Variants in MARK2 observed in about 807,000 individuals in gnomAD.
The protein encoded by MARK2 is serine/threonine-protein kinase MARK2.
Under a neutral mutation model 89.8 loss-of-function variants are expected in MARK2, and 16 were observed. The observed-to-expected ratio is 0.18, with a 90% CI of 0.12 to 0.27. The LOEUF is 0.27. Ranked by LOEUF, MARK2 falls within the 10% of genes least tolerant of loss-of-function variation. MARK2 has a pLI of 1.00. For missense variants in MARK2, 621 were observed against 1,049.9 expected (o/e 0.59, Z 5.65); for synonymous variants, 382 against 399.5 (o/e 0.96, Z 0.52).
At chr11:63,901,200 C>G in intron 11 of MARK2, 131 bp downstream of exon 11, 1 of 666,364 alleles carries the variant, frequency 1.5e-6, no homozygotes. Context: ...TTTTAAGCCT[C>G]AGCTTTGGTG....
chr11:63,847,620 ACTAT>A (rs577524200), intron 1 of MARK2, among the ~76,000 whole-genome samples: 256 of 152,288 alleles, frequency 1.7e-3, no homozygotes, highest in African/African-American at 5.5e-3. Context: ...TTGGAAGACA[ACTAT>A]CTGTCAACAA....
intron 1 of MARK2, among the ~76,000 whole-genome samples, chr11:63,874,228 C>A (rs1483957773): frequency 1.3e-5 from 2 of 152,226 alleles, no homozygotes; most frequent in Non-Finnish European, 2.9e-5. Flanking sequence ...TGCCCTGGAA[C>A]TGCACCTAAA....
chr11:63,897,676 G>C (rs1940527192), intron 3 of MARK2, among the ~76,000 whole-genome samples: 2 of 152,178 alleles, frequency 1.3e-5, no homozygotes, highest in Admixed American at 6.5e-5. Flanking sequence ...AGTGTGTGGA[G>C]GTGGATTTGA....
intron 1 of MARK2, among the ~76,000 whole-genome samples, chr11:63,884,255 A>T (rs1410539664): frequency 1.3e-5 from 2 of 152,260 alleles, no homozygotes; most frequent in Non-Finnish European, 2.9e-5. Context: ...GCTCAGTAGA[A>T]TCTAGTTTCA....
At chr11:63,880,739 G>C (rs777459023) in intron 1 of MARK2, among the ~76,000 whole-genome samples, 1 of 152,164 alleles carries the variant, frequency 6.6e-6, no homozygotes, top group Non-Finnish European at 1.5e-5. Context: ...GGGCCCTGCT[G>C]GTCCCTGGCT....
chr11:63,865,697 G>A (rs1296360958), intron 1 of MARK2, among the ~76,000 whole-genome samples: 2 of 152,216 alleles, frequency 1.3e-5, no homozygotes, highest in Admixed American at 6.5e-5. Context: ...GACATCTCAT[G>A]CTGGCAGAGA....
intron 1 of MARK2, among the ~76,000 whole-genome samples, chr11:63,843,032 T>C (rs955570780): frequency 1.3e-5 from 2 of 152,058 alleles, no homozygotes; most frequent in African/African-American, 2.4e-5. Context: ...AGTTAAGCCC[T>C]GTCTTTAAGA....
chr11:63,839,634 G>C, intron 1 of MARK2, 74 bp downstream of exon 1: 1 of 960,152 alleles, frequency 1.0e-6, no homozygotes, highest in South Asian at 1.4e-5. Flanking sequence ...TCCCTCTTCT[G>C]CTCTCCTCGT....
rs1763306196 is a variant in MARK2, at chr11:63,909,624, C to T, written c.*387C>T. The T allele has an allele frequency of 6.3e-6, 1 of 159,850 alleles. No individual in the cohort carries two copies. The highest frequency in any genetic ancestry group is 6.2e-5 in the Admixed American group (1 of 16,128). 9.9% of individuals were successfully genotyped at this position (159,850 alleles called of 1,614,324 possible). A position where few individuals can be genotyped will look rare whatever the true frequency, so the allele number is the denominator to read the frequency against. ...CCAGCGGCCACCTTTCCTCCCTGCC[C>T]CATTGGGACAGTCGAGACTGGATCT... On this transcript the variant is annotated 3_prime_UTR_variant, in exon 19 of 19. Coordinates refer to ENST00000402010, the MANE Select transcript of MARK2 (RefSeq NM_001039469.3).
At chr11:63,887,834 T>C (rs987499897) in intron 1 of MARK2, among the ~76,000 whole-genome samples, 6 of 152,144 alleles carry the variant, frequency 3.9e-5, no homozygotes, top group Non-Finnish European at 8.8e-5. Flanking sequence ...CCCAGGCCTT[T>C]GGAATTCCTT....
At chr11:63,875,117 AT>A (rs35168603) in intron 1 of MARK2, among the ~76,000 whole-genome samples, 4,562 of 125,524 alleles carry the variant, frequency 0.036, 180 homozygotes, top group African/African-American at 0.11. Context: ...TGCCCAGCTA[AT>A]TTTTTTTTTT....
At chr11:63,858,696 AT>A (rs1284508215) in intron 1 of MARK2, among the ~76,000 whole-genome samples, 2 of 152,244 alleles carry the variant, frequency 1.3e-5, no homozygotes, top group African/African-American at 4.8e-5. Context: ...TATCACCCAC[AT>A]GAAGAAAGCC....
intron 1 of MARK2, among the ~76,000 whole-genome samples, chr11:63,883,960 A>G (rs1320253194): frequency 6.6e-6 from 1 of 152,208 alleles, no homozygotes; most frequent in Non-Finnish European, 1.5e-5. Flanking sequence ...CCAAATGAGG[A>G]AACAGATTTG....
chr11:63,898,239 G>A lies in MARK2; in HGVS notation c.296G>A (p.Arg99His). 6.2e-7 allele frequency: 1 copy of A among 1,613,834 alleles called. No homozygotes were observed. Among genetic ancestry groups the A allele is most frequent in the Admixed American group, 1.7e-5 (1 of 60,022 alleles). ...LNSSSLQKLF[R>H]EVRIMKVLNH... ...TGGTATTTTATCTTCCAGCTATTCC[G>A]CGAAGTAAGAATAATGAAGGTTTTG... is the stretch of plus-strand genomic sequence containing the variant. Residue 99 changes from arginine (R) to histidine (H), a missense_variant, in exon 4 of 19, where the codon CGC becomes CAC. Physicochemically the swap from Arg to His is conservative, Grantham distance 29 (BLOSUM62 0). Transcript: ENST00000402010.
At chr11:63,893,621 C>T (rs888818568) in intron 1 of MARK2, among the ~76,000 whole-genome samples, 2 of 151,996 alleles carry the variant, frequency 1.3e-5, no homozygotes, top group Non-Finnish European at 2.9e-5. Context: ...GGAATGTACA[C>T]GTCTTCACAT....
chr11:63,871,077 C>T (rs1053501152), intron 1 of MARK2, among the ~76,000 whole-genome samples: 1 of 152,196 alleles, frequency 6.6e-6, no homozygotes, highest in African/African-American at 2.4e-5. Flanking sequence ...CCTACACACA[C>T]ATACATAAAA....
In MARK2 at chr11:63,895,546, G is replaced by A. The variant is rs746337941; in HGVS notation, c.235-34G>A. The A allele has an allele frequency of 3.1e-6, 5 of 1,601,164 alleles. No homozygotes were observed. The South Asian group carries it at 5.5e-5, about 18-fold the overall frequency. Reference sequence around the variant, plus strand: ...GGAATCCTGGGTTTCGCTGGTCAGAGAAGTGATTTGGGGCCTTTTTGTCTC... The same window carrying A: ...GGAATCCTGGGTTTCGCTGGTCAGAAAAGTGATTTGGGGCCTTTTTGTCTC... On this transcript the variant is annotated intron_variant, in intron 2 of 18. Transcript: ENST00000402010.
chr11:63,884,231 C>A (rs541487235), intron 1 of MARK2, among the ~76,000 whole-genome samples: 1 of 152,372 alleles, frequency 6.6e-6, no homozygotes, highest in South Asian at 2.1e-4. Flanking sequence ...CTGGAAGCCT[C>A]TAAAGCCCTG....
chr11:63,861,963 G>C (rs1349798389), intron 1 of MARK2, among the ~76,000 whole-genome samples: 1 of 127,814 alleles, frequency 7.8e-6, no homozygotes, highest in Non-Finnish European at 1.6e-5. Context: ...CGCTCTTGTT[G>C]CTCAGGCTAG....
Sources: allele counts gnomAD v4.1 joint callset (sites outside exome capture counted in the v4.1 genomes callset), GRCh38; gene constraint gnomAD v4.1.1; transcripts MANE v1.5; gene names NCBI Gene and HGNC (gene_info 2026-07-23, HGNC 2026-07-21).